Variants in CYTH3 observed in about 807,000 individuals in gnomAD.
CYTH3 encodes the protein cytohesin 3, also known as cytohesin-3.
CYTH3 carries 23 observed loss-of-function variants against 55.1 expected under a neutral mutation model. The observed-to-expected ratio is 0.42, with a 90% confidence interval of 0.30 to 0.59. The LOEUF (loss-of-function observed/expected upper bound fraction) is 0.59, where lower values mean the gene tolerates loss of function less well. Ranked by LOEUF, CYTH3 falls within the 20% of genes least tolerant of loss-of-function variation. The pLI is 0.20. For synonymous variants in CYTH3, 249 were observed against 194.9 expected, an observed-to-expected ratio of 1.28 and a Z score of -2.31; for missense variants, 413 against 524.8, an observed-to-expected ratio of 0.79 and a Z score of 2.08.
chr7:6,243,060 A>G (rs1335492746), intron 1 of CYTH3, among the ~76,000 whole-genome samples: 2 of 152,168 alleles, frequency 1.3e-5, no homozygotes, highest in Non-Finnish European at 2.9e-5. Context: ...TGGTCAATAG[A>G]TGCACACCTA....
intron 1 of CYTH3, among the ~76,000 whole-genome samples, chr7:6,266,729 C>T (rs756787329): frequency 1.3e-4 from 20 of 152,234 alleles, no homozygotes; most frequent in Non-Finnish European, 2.6e-4. Flanking sequence ...TACACCTCTC[C>T]CATCCCACAC....
At chr7:6,232,931 C>A (rs1583182954) in intron 1 of CYTH3, among the ~76,000 whole-genome samples, 1 of 152,024 alleles carries the variant, frequency 6.6e-6, no homozygotes, top group South Asian at 2.1e-4. Context: ...GTACTCCTGA[C>A]CCCCACCTCC....
chr7:6,197,917 C>T (rs1260734680), intron 1 of CYTH3, among the ~76,000 whole-genome samples: 1 of 151,676 alleles, frequency 6.6e-6, no homozygotes, highest in East Asian at 1.9e-4. Context: ...CACAAAGAAA[C>T]TCTGTCTCTA....
intron 1 of CYTH3, among the ~76,000 whole-genome samples, chr7:6,229,146 G>A (rs893347086): frequency 1.3e-5 from 2 of 152,198 alleles, no homozygotes; most frequent in African/African-American, 4.8e-5. Context: ...AGGACCTAAA[G>A]AGGAACTATG....
At chr7:6,189,889 A>G (rs529779342) in intron 2 of CYTH3, among the ~76,000 whole-genome samples, 1 of 152,044 alleles carries the variant, frequency 6.6e-6, no homozygotes, top group Admixed American at 6.5e-5. Context: ...ACAAAAAATT[A>G]GCTGGGTGTG....
chr7:6,180,488 C>T (rs1045478051), intron 4 of CYTH3, among the ~76,000 whole-genome samples: 3 of 152,142 alleles, frequency 2.0e-5, no homozygotes, highest in African/African-American at 7.2e-5. Context: ...GCTGTGGAGA[C>T]CAGGAGGGTG....
At chr7:6,246,707 G>C (rs955391819) in intron 1 of CYTH3, among the ~76,000 whole-genome samples, 7 of 136,842 alleles carry the variant, frequency 5.1e-5, no homozygotes, top group African/African-American at 2.0e-4. Flanking sequence ...TTCTACTAGT[G>C]AATCTGACCC....
In CYTH3 at chr7:6,164,888, C is replaced by T. The variant is rs1470736232; in HGVS notation, c.*56G>A. The T allele has an allele frequency of 2.6e-5, 42 of 1,603,314 alleles. No individual in the cohort carries two copies. Among genetic ancestry groups the T allele is most frequent in the Non-Finnish European group, 3.4e-5 (40 of 1,170,582 alleles). Reference sequence around the variant, plus strand: ...CCACGCCTTCCGCGGAGGGGCCGCCCGCGGTGTCTTTCTGCTGGGGTTGGG... The same window carrying T: ...CCACGCCTTCCGCGGAGGGGCCGCCTGCGGTGTCTTTCTGCTGGGGTTGGG... On this transcript the variant is annotated 3_prime_UTR_variant, in exon 13 of 13. Transcript: ENST00000350796.
At chr7:6,176,369 C>G (rs1025053305) in intron 5 of CYTH3, among the ~76,000 whole-genome samples, 1 of 145,996 alleles carries the variant, frequency 6.8e-6, no homozygotes, top group South Asian at 2.2e-4. Flanking sequence ...TCACGTCATT[C>G]TCCTGCCTCA....
Position 6,238,113 on chromosome 7 carries a change from T to C in CYTH3, c.34+34361A>G, listed in dbSNP as rs570900669. On this transcript the variant is annotated intron_variant, in intron 1 of 12. Transcript: ENST00000350796. ...CTTCATCAAGTCTCCTTAGAGGTTA[T>C]TATTGAAATCCAGGAAAATGACCAC... Among the ~76,000 whole-genome samples, 5 of 152,358 alleles carry C rather than the reference T, an allele frequency of 3.3e-5. No individual in the cohort carries two copies. The East Asian group carries it at 7.7e-4, about 23-fold the overall frequency.
intron 1 of CYTH3, among the ~76,000 whole-genome samples, chr7:6,269,383 A>G (rs1005604048): frequency 2.0e-5 from 3 of 152,216 alleles, no homozygotes; most frequent in Admixed American, 2.0e-4. Flanking sequence ...CATGTATTTT[A>G]TTATGAACAA....
At chr7:6,205,093 C>T (rs770034669) in intron 1 of CYTH3, among the ~76,000 whole-genome samples, 12 of 151,794 alleles carry the variant, frequency 7.9e-5, no homozygotes, top group Non-Finnish European at 1.3e-4. Flanking sequence ...TGAGCCTGGA[C>T]GGCCAAGGCT....
chr7:6,223,194 C>T (rs890047258), intron 1 of CYTH3, among the ~76,000 whole-genome samples: 1 of 151,578 alleles, frequency 6.6e-6, no homozygotes, highest in Non-Finnish European at 1.5e-5. Flanking sequence ...CCGGCCGCCC[C>T]ATCTGGGAGG....
intron 1 of CYTH3, among the ~76,000 whole-genome samples, chr7:6,265,945 G>A (rs921683796): frequency 1.3e-5 from 2 of 152,026 alleles, no homozygotes; most frequent in African/African-American, 4.8e-5. Context: ...TTAAAAAACG[G>A]ACCTAAAAAA....
intron 1 of CYTH3, among the ~76,000 whole-genome samples, chr7:6,231,456 T>C (rs944880142): frequency 6.6e-6 from 1 of 152,118 alleles, no homozygotes; most frequent in Non-Finnish European, 1.5e-5. Context: ...TGCAGGGTGG[T>C]GAGGCCGGGG....
chr7:6,184,831 G>A (rs530711975), intron 4 of CYTH3, among the ~76,000 whole-genome samples: 3 of 152,314 alleles, frequency 2.0e-5, no homozygotes, highest in African/African-American at 7.2e-5. Flanking sequence ...GCCCAACTGG[G>A]CCTCCTAAAG....
Position 6,171,614 on chromosome 7 carries a change from C to A in CYTH3, c.450-300G>T, listed in dbSNP as rs938297654. 8.3e-5 allele frequency: 27 copies of A among 326,802 alleles called. No homozygotes were observed. The highest frequency in any genetic ancestry group is 1.1e-3 in the Middle Eastern group (1 of 942). 20.2% of individuals were successfully genotyped at this position (326,802 alleles called of 1,614,324 possible). A position where few individuals can be genotyped will look rare whatever the true frequency, so the allele number is the denominator to read the frequency against. On this transcript the variant is annotated intron_variant, in intron 6 of 12. Transcript: ENST00000350796. This position sits in a 1 kb window ranked among gnomAD's most constrained non-coding sequence, Gnocchi z 6.7. ...CAGGATCCTGGCACTTCTCTGTCCCCATTGCCACCATCTCCTGCTGCTGCC... is the reference window on the plus strand; with the variant it reads ...CAGGATCCTGGCACTTCTCTGTCCCAATTGCCACCATCTCCTGCTGCTGCC...
At chr7:6,179,055 C>T (rs943766569) in intron 4 of CYTH3, among the ~76,000 whole-genome samples, 4 of 152,134 alleles carry the variant, frequency 2.6e-5, no homozygotes, top group East Asian at 3.8e-4. Flanking sequence ...TGCCTCATAC[C>T]CTCACGGTCC....
At chr7:6,215,050 G>C (rs1784395303) in intron 1 of CYTH3, among the ~76,000 whole-genome samples, 1 of 152,128 alleles carries the variant, frequency 6.6e-6, no homozygotes, top group Non-Finnish European at 1.5e-5. Flanking sequence ...AAGAAAATGG[G>C]ATAGGATGCC....
Sources: gnomAD v4.1 joint callset for allele counts (sites outside exome capture counted in the v4.1 genomes callset) on GRCh38, gnomAD v4.1.1 for gene constraint, Gnocchi (gnomAD v3.1) non-coding constraint, MANE v1.5 for transcripts, NCBI Gene and HGNC (gene_info 2026-07-23, HGNC 2026-07-21) for gene names.